The following ZMYM4 variants were observed in gnomAD, a reference collection of about 807,000 sequenced individuals.
ZMYM4 encodes zinc finger MYM-type containing 4.
Under a neutral mutation model 183.2 loss-of-function variants are expected in ZMYM4, and 31 were observed. That is an observed-to-expected ratio of 0.17 (90% confidence interval 0.13 to 0.23). The LOEUF (loss-of-function observed/expected upper bound fraction) is 0.23. Among genes scored for constraint, ZMYM4 ranks in the 10% least tolerant of loss-of-function variants. The pLI is 1.00. For synonymous variants in ZMYM4, 592 were observed against 631.2 expected (o/e 0.94, Z 0.93); for missense variants, 1,273 against 1,840.3 (o/e 0.69, Z 5.64).
intron 7 of ZMYM4, among the ~76,000 whole-genome samples, chr1:35,380,859 T>C (rs539278385): frequency 9.8e-5 from 15 of 152,334 alleles, no homozygotes; most frequent in African/African-American, 3.6e-4. Context: ...ATGTTTACTT[T>C]TAAAAGATAC....
At chr1:35,325,073 T>C (rs1642448808) in intron 1 of ZMYM4, among the ~76,000 whole-genome samples, 1 of 152,200 alleles carries the variant, frequency 6.6e-6, no homozygotes, top group Non-Finnish European at 1.5e-5. Flanking sequence ...TATTAAAATA[T>C]ATATGATCAT....
At chr1:35,315,533 CAG>C (rs1345396240) in intron 1 of ZMYM4, among the ~76,000 whole-genome samples, 1 of 152,080 alleles carries the variant, frequency 6.6e-6, no homozygotes, top group African/African-American at 2.4e-5. Context: ...TAGTTTATGT[CAG>C]TGTAATTTCT....
chr1:35,325,514 T>C (rs1642468025), intron 2 of ZMYM4, 109 bp downstream of exon 2: 1 of 1,018,048 alleles, frequency 9.8e-7, no homozygotes, highest in Non-Finnish European at 1.4e-6. Context: ...ATTTATGTGA[T>C]GGTTCAATCT....
At chr1:35,269,134 C>G in intron 1 of ZMYM4, 49 bp downstream of exon 1, 4 of 1,541,666 alleles carry the variant, frequency 2.6e-6, no homozygotes, top group Non-Finnish European at 3.5e-6. Flanking sequence ...GGGCGCGGCC[C>G]GGGGCCGGGA....
At chr1:35,296,895 G>A (rs1641046715) in intron 1 of ZMYM4, among the ~76,000 whole-genome samples, 1 of 132,588 alleles carries the variant, frequency 7.5e-6, no homozygotes, top group African/African-American at 3.0e-5. Context: ...TATTGCCCAG[G>A]CTGGAGTGCA....
chr1:35,301,721 G>A (rs1004012402), intron 1 of ZMYM4, among the ~76,000 whole-genome samples: 1 of 152,086 alleles, frequency 6.6e-6, no homozygotes, highest in Admixed American at 6.6e-5. Context: ...AAGACTAGAG[G>A]AGAGTACTCT....
intron 1 of ZMYM4, among the ~76,000 whole-genome samples, chr1:35,322,646 A>G (rs1367778676): frequency 1.3e-5 from 2 of 152,196 alleles, no homozygotes; most frequent in Non-Finnish European, 1.5e-5. Context: ...AAGTGGGTTC[A>G]AGAGACAGGT....
In ZMYM4 at chr1:35,389,628, G is replaced by A. The variant is rs936084321; in HGVS notation, c.2437-320G>A. ...AAATTAGCTGGGTGTGGTGGCGGGC[G>A]CCTGTAGTCCCAGCTACCTGGGAGG... On this transcript the variant is annotated intron_variant, in intron 14 of 29. Transcript: ENST00000314607. This position sits in a 1 kb window ranked among gnomAD's most constrained non-coding sequence, Gnocchi z 4.0. Among the ~76,000 whole-genome samples, 12 of 151,812 alleles carry A rather than the reference G, an allele frequency of 7.9e-5. No individual in the cohort carries two copies. Among genetic ancestry groups the A allele is most frequent in the Non-Finnish European group, 1.3e-4 (9 of 67,960 alleles).
At chr1:35,414,601 A>G (rs1260315960) in intron 27 of ZMYM4, among the ~76,000 whole-genome samples, 1 of 152,160 alleles carries the variant, frequency 6.6e-6, no homozygotes, top group Non-Finnish European at 1.5e-5. Flanking sequence ...AAGCTTAATG[A>G]TCTCCAACAG....
intron 2 of ZMYM4, among the ~76,000 whole-genome samples, chr1:35,347,383 C>T (rs1206239727): frequency 6.6e-6 from 1 of 152,088 alleles, no homozygotes; most frequent in Admixed American, 6.6e-5. Context: ...GTGGTTTATT[C>T]TGTTAATGAA....
chr1:35,302,200 C>CTTTTTTTTTTTTTT lies in ZMYM4; in HGVS notation c.40-23148_40-23135dup, dbSNP rs576277396. On this transcript the variant is annotated intron_variant, in intron 1 of 29. Transcript: ENST00000314607. Reference sequence around the variant, plus strand: ...ATCCACAAGCTAAAAACGGCTCTTGCTTTTTTTTTTTTTTTTTTTTTTTTT... The same window carrying CTTTTTTTTTTTTTT: ...ATCCACAAGCTAAAAACGGCTCTTGCTTTTTTTTTTTTTTTTTTTTTTTTTTTTTTTTTTTTTTT... Among the ~76,000 whole-genome samples, 19 of 58,544 alleles carry CTTTTTTTTTTTTTT rather than the reference C, an allele frequency of 3.2e-4. 1 individual carries two copies. The highest frequency in any genetic ancestry group is 1.2e-3 in the African/African-American group (19 of 15,518). 38.4% of individuals were successfully genotyped at this position (58,544 alleles called of 152,430 possible).
chr1:35,296,843 C>CTTTTTTTTTTTTTT (rs780202714), intron 1 of ZMYM4, among the ~76,000 whole-genome samples: 3 of 95,618 alleles, frequency 3.1e-5, no homozygotes, highest in African/African-American at 5.1e-5. Context: ...TTCTTTCTTT[C>CTTTTTTTTTTTTTT]TTTTTTTTTT....
Position 35,370,432 on chromosome 1 carries a change from T to C in ZMYM4, c.986T>C (p.Leu329Pro), listed in dbSNP as rs767202671. The change falls in exon 7 of 30, where the codon CTT (leucine) becomes CCT (proline). Residue 329 changes from leucine to proline, a missense_variant. By Grantham distance (98) the Leu-to-Pro change is moderately conservative. Coordinates refer to ENST00000314607, the MANE Select transcript of ZMYM4 (RefSeq NM_005095.3). ...SLASSGMNKM[L>P]PSVPATAVRV... ...GCGTCATCTGGCATGAATAAAATGCTTCCTTCAGTTCCAGCCACAGCTGTT... is the reference window on the plus strand; with the variant it reads ...GCGTCATCTGGCATGAATAAAATGCCTCCTTCAGTTCCAGCCACAGCTGTT... 6.2e-7 allele frequency: 1 copy of C among 1,607,654 alleles called. No individual in the cohort carries two copies. Among genetic ancestry groups the C allele is most frequent in the South Asian group, 1.1e-5 (1 of 90,850 alleles).
At chr1:35,375,138 C>T (rs1189447646) in intron 7 of ZMYM4, among the ~76,000 whole-genome samples, 2 of 151,966 alleles carry the variant, frequency 1.3e-5, no homozygotes. Context: ...TTTTCTTCTT[C>T]ATCTTCTTTC....
intron 1 of ZMYM4, among the ~76,000 whole-genome samples, chr1:35,300,286 T>G (rs1641222123): frequency 6.6e-6 from 1 of 152,228 alleles, no homozygotes; most frequent in Non-Finnish European, 1.5e-5. Flanking sequence ...TCAGCATTGC[T>G]TCTATGAGTC....
At chr1:35,412,445 G>T (rs147193727) in intron 26 of ZMYM4, among the ~76,000 whole-genome samples, 1 of 152,050 alleles carries the variant, frequency 6.6e-6, no homozygotes, top group Admixed American at 6.5e-5. Context: ...CAGTGTTGAC[G>T]AAGAATGGCA....
chr1:35,316,263 A>G (rs980641363), intron 1 of ZMYM4, among the ~76,000 whole-genome samples: 6 of 152,208 alleles, frequency 3.9e-5, no homozygotes, highest in African/African-American at 1.4e-4. Context: ...CAGTATTGAA[A>G]TTAGTAGTCC....
rs752840401 is a variant in ZMYM4 at position 35,408,023 on chromosome 1, T to C, written c.3812T>C (p.Leu1271Pro). 1 of 1,614,250 alleles carries C rather than the reference T, an allele frequency of 6.2e-7. No individual in the cohort carries two copies. Among genetic ancestry groups the C allele is most frequent in the Non-Finnish European group, 8.5e-7 (1 of 1,180,036 alleles). The stretch of plus-strand genomic sequence containing the variant: ...CTTTCCACAGTCCGCTCTATCAAGC[T>C]GAAGGAAGACATTCTGTCCTGCACT... Reference protein sequence around the residue: ...EPGCRVRSIKLKEDILSCTFA... With the variant: ...EPGCRVRSIKPKEDILSCTFA... The change falls in exon 26 of 30, where the codon CTG becomes CCG. Residue 1271 changes from leucine (L) to proline (P), a missense_variant. Leu to Pro is a moderately conservative substitution (Grantham distance 98, BLOSUM62 -3). Coordinates refer to ENST00000314607, the MANE Select transcript of ZMYM4 (RefSeq NM_005095.3).
intron 1 of ZMYM4, among the ~76,000 whole-genome samples, chr1:35,277,321 T>C (rs1355460084): frequency 2.0e-5 from 3 of 152,238 alleles, no homozygotes; most frequent in African/African-American, 7.2e-5. Context: ...AAGAAATATT[T>C]ATAAAGAGTG....
Sources: gnomAD v4.1 joint callset for allele counts (sites outside exome capture counted in the v4.1 genomes callset) on GRCh38, gnomAD v4.1.1 for gene constraint, Gnocchi (gnomAD v3.1) non-coding constraint, MANE v1.5 for transcripts, NCBI Gene and HGNC (gene_info 2026-07-23, HGNC 2026-07-21) for gene names.